SLC44A2: variants seen among roughly 807,000 people sequenced by gnomAD.
SLC44A2 encodes the protein solute carrier family 44 member 2 (CTL2 blood group).
Under a neutral mutation model 90.8 loss-of-function variants are expected in SLC44A2, and 57 were observed. That is an observed-to-expected ratio of 0.63 (90% CI 0.51 to 0.78). The LOEUF is 0.78. Ranked by LOEUF, SLC44A2 falls within the 30% of genes least tolerant of loss-of-function variation. The pLI is 0.00. For synonymous variants in SLC44A2, 355 were observed against 360.7 expected, an observed-to-expected ratio of 0.98 and a Z score of 0.18; for missense variants, 794 against 919.7, an observed-to-expected ratio of 0.86 and a Z score of 1.77.
At position 10,631,835 on chromosome 19, in the gene SLC44A2, G is replaced by A. The variant is rs369110463; in HGVS notation, c.627-33G>A. 2.4e-5 allele frequency: 39 copies of A among 1,614,198 alleles called. No individual in the cohort carries two copies. The African/African-American group carries it at 5.2e-4, about 22-fold the overall frequency. Reference sequence around the variant, plus strand: ...TGTGGTTGGCCTGATCATGGAAGAGGGTCTGACCCGAGCCTTGTCCTCCTT... The same window carrying A: ...TGTGGTTGGCCTGATCATGGAAGAGAGTCTGACCCGAGCCTTGTCCTCCTT... On this transcript the variant is annotated intron_variant, in intron 8 of 21. Transcript: ENST00000335757.
chr19:10,607,750 A>T (rs12985613), intron 1 of SLC44A2, among the ~76,000 whole-genome samples: 31,655 of 88,128 alleles, frequency 0.36, 4,416 homozygotes, highest in East Asian at 0.68. Flanking sequence ...TATTATTATT[A>T]TTTTTTTTTT....
chr19:10,634,137 A>ATTTT (rs1177075276), intron 10 of SLC44A2, among the ~76,000 whole-genome samples: 2 of 80,272 alleles, frequency 2.5e-5, no homozygotes, highest in East Asian at 3.8e-4. Flanking sequence ...CGCCCAGCTA[A>ATTTT]TTTTTTTTTT....
chr19:10,631,304 C>T lies in SLC44A2; in HGVS notation c.360C>T (p.Tyr120=). 4.3e-6 allele frequency: 7 copies of T among 1,614,166 alleles called. No homozygotes were observed. The highest frequency in any genetic ancestry group is 5.9e-6 in the Non-Finnish European group (7 of 1,180,040). The change falls in exon 6 of 22, where the codon TAC becomes TAT. Residue 120 remains tyrosine, a synonymous_variant. Transcript: ENST00000335757. ...QICVEKCPDR[Y]LTYLNARSSR... ...GCGTGGAAAAATGCCCCGACCGCTA[C>T]CTCACGTACCTGAATGCTCGCAGCT...
chr19:10,602,461 C>G (rs1917986406), upstream of SLC44A2: 5 of 1,096,728 alleles, frequency 4.6e-6, no homozygotes, highest in South Asian at 8.5e-5. Flanking sequence ...CGCTGCAGCC[C>G]GCGGAGCCTC....
chr19:10,635,960 G>C, intron 14 of SLC44A2: 2 of 256,446 alleles, frequency 7.8e-6, no homozygotes, highest in Non-Finnish European at 1.5e-5. Flanking sequence ...TGTATTTTTA[G>C]TAAAGACAGG....
At chr19:10,633,811 T>C (rs2144867292) in intron 10 of SLC44A2, among the ~76,000 whole-genome samples, 1 of 152,248 alleles carries the variant, frequency 6.6e-6, no homozygotes, top group Admixed American at 6.5e-5. Flanking sequence ...GGCAATCCAA[T>C]TTGAGGACAC....
intron 1 of SLC44A2, among the ~76,000 whole-genome samples, chr19:10,619,728 C>T (rs143938269): frequency 6.6e-6 from 1 of 152,086 alleles, no homozygotes; most frequent in African/African-American, 2.4e-5. Flanking sequence ...CCGAGGCAGG[C>T]GGATTGCCTG....
intron 1 of SLC44A2, among the ~76,000 whole-genome samples, chr19:10,617,296 C>G (rs1245186006): frequency 6.6e-6 from 1 of 152,156 alleles, no homozygotes; most frequent in Non-Finnish European, 1.5e-5. Context: ...AGATTAGGCT[C>G]TCAGGGCAGA....
rs981543852 is a variant in SLC44A2 at position 10,644,503 on chromosome 19, C to T, written c.*1118C>T. The T allele has an allele frequency of 2.6e-5, 4 of 152,832 alleles. No homozygotes were observed. The highest frequency in any genetic ancestry group is 5.8e-5 in the Non-Finnish European group (4 of 68,530). 9.5% of individuals were successfully genotyped at this position (152,832 alleles called of 1,614,324 possible). On this transcript the variant is annotated 3_prime_UTR_variant, in exon 22 of 22. Coordinates refer to ENST00000335757, the MANE Select transcript of SLC44A2 (RefSeq NM_020428.4). ...CAGCCCTGCCCCCATTGCGTCTGCA[C>T]ACCCCTGCGTGTAACTGCATTCCAA...
chr19:10,604,717 G>T (rs1180952934), intron 1 of SLC44A2, among the ~76,000 whole-genome samples: 1 of 152,058 alleles, frequency 6.6e-6, no homozygotes, highest in Non-Finnish European at 1.5e-5. Flanking sequence ...ACTCACTGGT[G>T]GGGGAAGAAT....
intron 1 of SLC44A2, among the ~76,000 whole-genome samples, chr19:10,611,558 C>T (rs903557920): frequency 6.9e-6 from 1 of 145,086 alleles, no homozygotes; most frequent in Admixed American, 6.7e-5. Flanking sequence ...GTGGTTCACT[C>T]CTATAATCCC....
At chr19:10,628,966 C>A (rs1181536350) in intron 4 of SLC44A2, among the ~76,000 whole-genome samples, 3 of 151,630 alleles carry the variant, frequency 2.0e-5, no homozygotes, top group South Asian at 2.1e-4. Flanking sequence ...ACCTGTAATC[C>A]CAGCACACTT....
At chr19:10,634,661 C>T (rs2067033843) in intron 10 of SLC44A2, 95 bp from the exon 11 acceptor site, 1 of 1,570,116 alleles carries the variant, frequency 6.4e-7, no homozygotes, top group African/African-American at 1.4e-5. Flanking sequence ...AGGCAGAAGC[C>T]TCGATGTTTG....
intron 20 of SLC44A2, 173 bp from the exon 21 acceptor site, chr19:10,642,194 T>G: frequency 1.7e-6 from 1 of 578,092 alleles, no homozygotes; most frequent in South Asian, 2.0e-5. Flanking sequence ...AGAAAGAGGA[T>G]TTTGTGTGGA....
chr19:10,638,059 C>T lies in SLC44A2; in HGVS notation c.1806C>T (p.Phe602=), dbSNP rs2067077935. The change falls in exon 19 of 22, where the codon TTC becomes TTT. Residue 602 remains phenylalanine (F), a synonymous_variant. Coordinates refer to ENST00000335757, the MANE Select transcript of SLC44A2 (RefSeq NM_020428.4). The stretch of plus-strand genomic sequence containing the variant: ...TGGATAAAGTTACTGACTTCCTCTT[C>T]CTGTTGGGCAAACTTCTGATCGTTG... ...AVLDKVTDFL[F]LLGKLLIVGS... 2 of 1,613,924 alleles carry T rather than the reference C, an allele frequency of 1.2e-6. No homozygotes were observed. Among genetic ancestry groups the T allele is most frequent in the Middle Eastern group, 1.6e-4 (1 of 6,084 alleles).
chr19:10,613,423 G>GT (rs1381295177), intron 1 of SLC44A2, among the ~76,000 whole-genome samples: 1 of 151,880 alleles, frequency 6.6e-6, no homozygotes, highest in African/African-American at 2.4e-5. Flanking sequence ...CTAATTTTTT[G>GT]TATTTTTAGT....
At chr19:10,619,431 A>G (rs2066881260) in intron 1 of SLC44A2, among the ~76,000 whole-genome samples, 2 of 131,448 alleles carry the variant, frequency 1.5e-5, no homozygotes, top group Non-Finnish European at 3.3e-5. Context: ...ATGTTTCAGA[A>G]AAAAAAAAAA....
chr19:10,626,156 G>T, intron 1 of SLC44A2, 97 bp from the exon 2 acceptor site: 1 of 983,826 alleles, frequency 1.0e-6, no homozygotes, highest in African/African-American at 1.6e-5. Context: ...TCTTGCCAAG[G>T]CAAAGACACC....
intron 21 of SLC44A2, chr19:10,642,867 T>G (rs908938229): frequency 6.0e-5 from 93 of 1,550,342 alleles, no homozygotes; most frequent in Non-Finnish European, 7.8e-5. Context: ...CACCCCATTT[T>G]CCCCCTGCCG....
Sources: gnomAD v4.1 joint callset for allele counts (sites outside exome capture counted in the v4.1 genomes callset) on GRCh38, gnomAD v4.1.1 for gene constraint, MANE v1.5 for transcripts, NCBI Gene and HGNC (gene_info 2026-07-23, HGNC 2026-07-21) for gene names.